Variants in EYS observed in about 807,000 individuals in gnomAD.
The protein encoded by EYS is EGF-like photoreceptor maintenance factor.
EYS carries 250 observed loss-of-function variants against 282.1 expected under a neutral mutation model. That is an observed-to-expected ratio of 0.89 (90% confidence interval 0.80 to 0.98). EYS has a LOEUF of 0.98. EYS is among the 50% of genes least tolerant of loss of function. The pLI is 0.00. For synonymous variants in EYS, 1,355 were observed against 1,282.9 expected, an observed-to-expected ratio of 1.06 and a Z score of -1.20; for missense variants, 4,016 against 3,709.0, an observed-to-expected ratio of 1.08 and a Z score of -2.15.
At chr6:64,562,940 A>G (rs777311898) in intron 26 of EYS, among the ~76,000 whole-genome samples, 2 of 152,034 alleles carry the variant, frequency 1.3e-5, no homozygotes, top group Admixed American at 6.5e-5. Context: ...TATAAATTGC[A>G]TAACTGTCAA....
chr6:63,819,787 A>G (rs897824595), intron 36 of EYS, among the ~76,000 whole-genome samples: 1 of 152,204 alleles, frequency 6.6e-6, no homozygotes, highest in Non-Finnish European at 1.5e-5. Flanking sequence ...AAATGGTAGA[A>G]GAACCATGAC....
At chr6:64,292,188 G>A (rs1041249820) in intron 30 of EYS, among the ~76,000 whole-genome samples, 2 of 152,062 alleles carry the variant, frequency 1.3e-5, no homozygotes, top group African/African-American at 4.8e-5. Flanking sequence ...AAAACCAGCA[G>A]TTAAGCTCTC....
intron 19 of EYS, among the ~76,000 whole-genome samples, chr6:64,855,364 T>C (rs997059096): frequency 1.3e-5 from 2 of 152,184 alleles, no homozygotes; most frequent in Non-Finnish European, 2.9e-5. Context: ...TTTTCATAGC[T>C]CTTCAGTGTT....
At chr6:65,236,064 ATAG>A (rs1242884638) in intron 12 of EYS, among the ~76,000 whole-genome samples, 5 of 151,888 alleles carry the variant, frequency 3.3e-5, no homozygotes, top group Admixed American at 1.3e-4. Flanking sequence ...TAAAATATTT[ATAG>A]TAATTTGTAA....
chr6:64,035,473 T>C (rs938415231), intron 33 of EYS, among the ~76,000 whole-genome samples: 2 of 152,338 alleles, frequency 1.3e-5, no homozygotes, highest in South Asian at 4.1e-4. Context: ...TCCAGACCAC[T>C]GAATGAGGAA....
intron 1 of EYS, among the ~76,000 whole-genome samples, chr6:65,696,571 G>A (rs1299244643): frequency 6.6e-6 from 1 of 151,774 alleles, no homozygotes; most frequent in African/African-American, 2.4e-5. Flanking sequence ...TTAAATGAAG[G>A]AAAATTAATG....
chr6:64,834,992 G>A (rs1765338939), intron 19 of EYS, among the ~76,000 whole-genome samples: 1 of 151,506 alleles, frequency 6.6e-6, no homozygotes, highest in Admixed American at 6.6e-5. Context: ...AAAATGAGTG[G>A]CCCAATGTGT....
chr6:65,107,685 T>TG (rs1775083111), intron 12 of EYS, among the ~76,000 whole-genome samples: 1 of 151,456 alleles, frequency 6.6e-6, no homozygotes, highest in Admixed American at 6.6e-5. Flanking sequence ...TGTTTTTTTT[T>TG]GTTTGTTTGG....
chr6:64,046,956 C>G (rs549534748), intron 33 of EYS, among the ~76,000 whole-genome samples: 1 of 152,152 alleles, frequency 6.6e-6, no homozygotes, highest in South Asian at 2.1e-4. Context: ...GAGCAGAGGT[C>G]AGGCTTAGCT....
intron 29 of EYS, among the ~76,000 whole-genome samples, chr6:64,338,970 T>A (rs1370548809): frequency 1.4e-5 from 1 of 71,988 alleles, no homozygotes; most frequent in Non-Finnish European, 3.0e-5. Flanking sequence ...TCCCACATTA[T>A]ACAAAAAATC....
chr6:64,682,111 TA>T (rs1411677649), intron 22 of EYS, among the ~76,000 whole-genome samples: 1 of 152,182 alleles, frequency 6.6e-6, no homozygotes, highest in Non-Finnish European at 1.5e-5. Context: ...AGGAAAAGAA[TA>T]AATTTCTTGG....
chr6:64,821,827 A>G, intron 20 of EYS, 104 bp from the exon 21 acceptor site: 1 of 629,868 alleles, frequency 1.6e-6, no homozygotes, highest in South Asian at 2.4e-5. Flanking sequence ...TCAGGTGAAA[A>G]AAGCACTCCC....
chr6:64,006,402 G>C (rs1768348764), intron 33 of EYS, among the ~76,000 whole-genome samples: 1 of 152,096 alleles, frequency 6.6e-6, no homozygotes, highest in Non-Finnish European at 1.5e-5. Flanking sequence ...AGACTATGGT[G>C]TGTTCTAGGT....
At chr6:64,605,030 G>A (rs1281995615) in intron 24 of EYS, among the ~76,000 whole-genome samples, 1 of 151,968 alleles carries the variant, frequency 6.6e-6, no homozygotes, top group Non-Finnish European at 1.5e-5. Flanking sequence ...AAAAAGTCAT[G>A]ACTGGCTTAC....
At position 63,999,096 on chromosome 6, in the gene EYS, T is replaced by A; in HGVS notation, c.6813A>T (p.Thr2271=). 6.4e-7 allele frequency: 1 copy of A among 1,550,974 alleles called. No individual in the cohort carries two copies. Among genetic ancestry groups the A allele is most frequent in the African/African-American group, 1.4e-5 (1 of 73,162 alleles). The part of the protein sequence containing the change: ...DGKPPVQKKD[T]EISHASQAYF... ...CTACCTGAGAGGCATGGGAAATCTC[T>A]GTGTCTTTCTTCTGTACTGGAGGTT... Residue 2271 remains threonine, a synonymous_variant, in exon 34 of 43, where the codon ACA becomes ACT. Transcript: ENST00000503581.
At chr6:63,857,726 T>C (rs1017455253) in intron 36 of EYS, 3 of 385,922 alleles carry the variant, frequency 7.8e-6, no homozygotes, top group African/African-American at 2.1e-5. Context: ...CATCCAATGC[T>C]TTGATGAGCA....
chr6:65,136,271 T>C (rs906387070), intron 12 of EYS, among the ~76,000 whole-genome samples: 1 of 152,046 alleles, frequency 6.6e-6, no homozygotes, highest in African/African-American at 2.4e-5. Flanking sequence ...TATTAGGCAA[T>C]ATAAATTAAT....
chr6:65,392,779 C>T (rs1205760101), intron 7 of EYS, among the ~76,000 whole-genome samples: 1 of 150,850 alleles, frequency 6.6e-6, no homozygotes, highest in African/African-American at 2.4e-5. Flanking sequence ...CCTCAGGGAT[C>T]TGGAACTAGA....
chr6:65,057,342 T>C (rs1466057945), intron 13 of EYS, among the ~76,000 whole-genome samples: 1 of 152,156 alleles, frequency 6.6e-6, no homozygotes, highest in African/African-American at 2.4e-5. Flanking sequence ...AATATATTCC[T>C]TCCTTACTTT....
Sources: gnomAD v4.1 joint callset for allele counts (sites outside exome capture counted in the v4.1 genomes callset) on GRCh38, gnomAD v4.1.1 for gene constraint, MANE v1.5 for transcripts, NCBI Gene and HGNC (gene_info 2026-07-23, HGNC 2026-07-21) for gene names.